Variants in PDIA6 observed in about 807,000 individuals in gnomAD.
PDIA6 encodes the protein protein disulfide-isomerase A6.
PDIA6 carries 29 observed loss-of-function variants against 58.4 expected under a neutral mutation model. The observed-to-expected ratio is 0.50, with a 90% CI of 0.37 to 0.68. The LOEUF (loss-of-function observed/expected upper bound fraction) is 0.68. PDIA6 is among the 30% of genes least tolerant of loss of function. The pLI is 0.00. For synonymous variants in PDIA6, 192 were observed against 202.6 expected, an observed-to-expected ratio of 0.95 and a Z score of 0.44; for missense variants, 480 against 551.0, an observed-to-expected ratio of 0.87 and a Z score of 1.29.
At chr2:10,828,991 C>T (rs1276325701) in intron 1 of PDIA6, among the ~76,000 whole-genome samples, 1 of 152,152 alleles carries the variant, frequency 6.6e-6, no homozygotes, top group Non-Finnish European at 1.5e-5. Flanking sequence ...CAGTGTTATC[C>T]CCCACCCCGT....
chr2:10,793,110 T>C lies in PDIA6; in HGVS notation c.439A>G (p.Ser147Gly). Residue 147 changes from serine to glycine, a missense_variant, in exon 5 of 13, where the codon AGT (serine) becomes GGT (glycine). Ser to Gly is a moderately conservative substitution (Grantham distance 56, BLOSUM62 0). Transcript: ENST00000272227. The part of the protein sequence containing the change: ...DRLGGRSGGY[S>G]SGKQGRSDSS... ...TATGGTCTTACTTGTTTTCCAGAACTGTATCCTCCGCTCCGTCCCCCGAGG... is the reference window on the plus strand; with the variant it reads ...TATGGTCTTACTTGTTTTCCAGAACCGTATCCTCCGCTCCGTCCCCCGAGG... 9 of 1,612,296 alleles carry C rather than the reference T, an allele frequency of 5.6e-6. No individual in the cohort carries two copies. The highest frequency in any genetic ancestry group is 6.8e-6 in the Non-Finnish European group (8 of 1,178,268).
intron 10 of PDIA6, 59 bp downstream of exon 10, chr2:10,788,638 C>T: frequency 8.6e-7 from 1 of 1,156,228 alleles, no homozygotes. Context: ...GAACCACTCT[C>T]AAGAAAGCCT....
At chr2:10,792,710 C>A (rs1666089758) in intron 5 of PDIA6, among the ~76,000 whole-genome samples, 1 of 147,030 alleles carries the variant, frequency 6.8e-6, no homozygotes, top group Non-Finnish European at 1.5e-5. Context: ...TTGGGGCTGA[C>A]TGCCACAGAT....
intron 3 of PDIA6, 76 bp downstream of exon 3, chr2:10,797,624 C>T: frequency 2.0e-6 from 2 of 981,348 alleles, no homozygotes; most frequent in Admixed American, 1.9e-5. Context: ...TAAACATACA[C>T]AGGTGAATAT....
chr2:10,820,068 G>C (rs1558461286), intron 1 of PDIA6, among the ~76,000 whole-genome samples: 1 of 152,238 alleles, frequency 6.6e-6, no homozygotes, highest in African/African-American at 2.4e-5. Context: ...TCTTGGCATA[G>C]TGAAGTGGCC....
intron 2 of PDIA6, among the ~76,000 whole-genome samples, chr2:10,800,640 G>T (rs1352923477): frequency 6.9e-6 from 1 of 145,814 alleles, no homozygotes; most frequent in Non-Finnish European, 1.5e-5. Context: ...TCTCACTGTT[G>T]CCCAGGCTGG....
rs750948365 is a variant in PDIA6 at position 10,784,988 on chromosome 2, G to A, written c.1200C>T (p.Gly400=). The A allele has an allele frequency of 9.4e-6, 15 of 1,588,958 alleles. No individual in the cohort carries two copies. Among genetic ancestry groups the A allele is most frequent in the African/African-American group, 1.3e-5 (1 of 74,396 alleles). The change falls in exon 12 of 13, where the codon GGC becomes GGT. Residue 400 remains glycine, a synonymous_variant. Coordinates refer to ENST00000272227, the MANE Select transcript of PDIA6 (RefSeq NM_005742.4). ...FGRGSTAPVG[G]GAFPTIVERE... ...TCTCAACGATGGTAGGGAAAGCCCC[G>A]CCTCCTACAGGTGCCGTGGAGCCAC...
chr2:10,816,337 C>A (rs547942588), upstream of PDIA6, among the ~76,000 whole-genome samples: 1 of 151,566 alleles, frequency 6.6e-6, no homozygotes, highest in Admixed American at 6.6e-5. Flanking sequence ...CCACCCGTCT[C>A]GACCTCCCAA....
upstream of PDIA6, among the ~76,000 whole-genome samples, chr2:10,833,641 C>T (rs190498813): frequency 2.8e-4 from 43 of 152,334 alleles, no homozygotes; most frequent in Non-Finnish European, 5.3e-4. Flanking sequence ...CTTGTAAGCC[C>T]CTATGAATAG....
intron 11 of PDIA6, among the ~76,000 whole-genome samples, chr2:10,786,635 C>T (rs1254700422): frequency 1.3e-5 from 2 of 152,146 alleles, no homozygotes; most frequent in Non-Finnish European, 2.9e-5. Flanking sequence ...TCAACACAAG[C>T]CTCTCAACTA....
At chr2:10,806,628 C>CGAAAGAGAGAAAGAAAGAAAGAA (rs1553339930) in intron 1 of PDIA6, among the ~76,000 whole-genome samples, 3 of 70,422 alleles carry the variant, frequency 4.3e-5, no homozygotes, top group African/African-American at 7.0e-5. Context: ...AAAATAAAGA[C>CGAAAGAGAGAAAGAAAGAAAGAA]AGAAAGAAAG....
upstream of PDIA6, among the ~76,000 whole-genome samples, chr2:10,836,112 G>A (rs183844031): frequency 5.7e-4 from 87 of 152,214 alleles, no homozygotes; most frequent in African/African-American, 2.0e-3. Context: ...GATCCTATTG[G>A]CCTCACTAGG....
At chr2:10,828,220 G>A (rs149405489) in intron 1 of PDIA6, among the ~76,000 whole-genome samples, 14 of 152,310 alleles carry the variant, frequency 9.2e-5, no homozygotes, top group African/African-American at 3.1e-4. Context: ...ATCAGACACA[G>A]TAGTTTCACT....
At chr2:10,836,529 G>A (rs973796245), upstream of PDIA6, among the ~76,000 whole-genome samples, 2 of 146,710 alleles carry the variant, frequency 1.4e-5, no homozygotes, top group Non-Finnish European at 1.5e-5. Flanking sequence ...GGTTTTAAAT[G>A]AAACTTTTGC....
chr2:10,812,424 C>CGGCTCCAGCGCACGA (rs1267220495), intron 1 of PDIA6, among the ~76,000 whole-genome samples: 159 of 152,086 alleles, frequency 1.0e-3, no homozygotes, highest in Admixed American at 7.9e-4. Flanking sequence ...ACCCCGCGCC[C>CGGCTCCAGCGCACGA]GGCTCCAGCG....
At chr2:10,806,636 A>AGACAGACAGACAGACAGAC (rs1666772866) in intron 1 of PDIA6, among the ~76,000 whole-genome samples, 3 of 124,398 alleles carry the variant, frequency 2.4e-5, no homozygotes, top group African/African-American at 8.2e-5. Context: ...GACAGAAAGA[A>AGACAGACAGACAGACAGAC]AGAAAGAAAG....
At chr2:10,798,046 C>G (rs554715646) in intron 2 of PDIA6, among the ~76,000 whole-genome samples, 1 of 151,874 alleles carries the variant, frequency 6.6e-6, no homozygotes, top group African/African-American at 2.4e-5. Flanking sequence ...ATTAGCCAGG[C>G]GTGGTGGTGC....
chr2:10,828,637 C>T (rs1413478077), intron 1 of PDIA6, among the ~76,000 whole-genome samples: 3 of 152,250 alleles, frequency 2.0e-5, no homozygotes, highest in Non-Finnish European at 2.9e-5. Context: ...CGACACTGGG[C>T]ATGGTGCAGC....
At chr2:10,836,674 A>C (rs1572716566), upstream of PDIA6, among the ~76,000 whole-genome samples, 1 of 152,002 alleles carries the variant, frequency 6.6e-6, no homozygotes, top group East Asian at 1.9e-4. Context: ...ACACTTCATC[A>C]GTCACCTCAA....
Sources: gnomAD v4.1 joint callset for allele counts (sites outside exome capture counted in the v4.1 genomes callset) on GRCh38, gnomAD v4.1.1 for gene constraint, MANE v1.5 for transcripts, NCBI Gene and HGNC (gene_info 2026-07-23, HGNC 2026-07-21) for gene names.